The following TMEM14C variants were observed in gnomAD, a reference collection of about 807,000 sequenced individuals.
TMEM14C encodes the protein chromosome 6 open reading frame 53.
A neutral mutation model predicts 14.8 loss-of-function variants in TMEM14C; 13 were observed. That is an observed-to-expected ratio of 0.88 (90% confidence interval 0.57 to 1.40). The LOEUF is 1.40. Among genes scored for constraint, TMEM14C ranks in the 40% most tolerant of loss-of-function variants. The pLI, the probability that TMEM14C is intolerant of heterozygous loss-of-function variation, is 0.00. For missense variants in TMEM14C, 142 were observed against 138.8 expected, an observed-to-expected ratio of 1.02 and a Z score of -0.12; for synonymous variants, 57 against 51.3, an observed-to-expected ratio of 1.11 and a Z score of -0.48.
chr6:10,729,551 C>T (rs1404085927), intron 5 of TMEM14C, among the ~76,000 whole-genome samples: 1 of 152,024 alleles, frequency 6.6e-6, no homozygotes, highest in South Asian at 2.1e-4. Context: ...CAGAGGCAGG[C>T]GGATCACCTG....
intron 4 of TMEM14C, among the ~76,000 whole-genome samples, chr6:10,726,573 C>T (rs1256215305): frequency 3.9e-5 from 6 of 152,066 alleles, no homozygotes; most frequent in Non-Finnish European, 8.8e-5. Flanking sequence ...GCCTGTAGTC[C>T]CAGCTACTTG....
chr6:10,725,959 G>T lies in TMEM14C; in HGVS notation c.150G>T (p.Leu50=). 1 of 1,614,140 alleles carries T rather than the reference G, an allele frequency of 6.2e-7. No individual in the cohort carries two copies. Among genetic ancestry groups the T allele is most frequent in the South Asian group, 1.1e-5 (1 of 91,086 alleles). The part of the protein sequence containing the change: ...AGLLFGSLAG[L]GAYQLSQDPR... ...TGCTCTTTGGCAGTCTAGCCGGCCT[G>T]GGTGCTTACCAGCTGTCTCAGGATC... Residue 50 remains leucine (L), a synonymous_variant, in exon 4 of 6, where the codon CTG becomes CTT. Transcript: ENST00000229563.
rs750952687 is a variant in TMEM14C, at chr6:10,730,628, G to A, written c.301G>A (p.Ala101Thr). ...TCTTTTAAACAGTTTGCTGATGGTCGCCAAAGTTGGAGTTAGTATGTTCAA... is the reference window on the plus strand; with the variant it reads ...TCTTTTAAACAGTTTGCTGATGGTCACCAAAGTTGGAGTTAGTATGTTCAA... ...LIAGASLLMV[A>T]KVGVSMFNRP... The change falls in exon 6 of 6, where the codon GCC becomes ACC. Residue 101 changes from alanine (A) to threonine (T), a missense_variant. Coordinates refer to ENST00000229563, the MANE Select transcript of TMEM14C (RefSeq NM_016462.4). 1.6e-5 allele frequency: 25 copies of A among 1,611,340 alleles called. No individual in the cohort carries two copies. The South Asian group carries it at 2.0e-4, about 13-fold the overall frequency.
chr6:10,728,362 T>C (rs10456318), intron 4 of TMEM14C, among the ~76,000 whole-genome samples: 80,242 of 151,996 alleles, frequency 0.53, 22,317 homozygotes, highest in South Asian at 0.64. Context: ...AAAACTAACA[T>C]ATTGATGGCT....
chr6:10,731,057 C>G lies in TMEM14C; in HGVS notation c.*391C>G. On this transcript the variant is annotated 3_prime_UTR_variant, in exon 6 of 6. Transcript: ENST00000229563. The stretch of plus-strand genomic sequence containing the variant: ...TTACAATATCTGTTCTTTTGCTCAT[C>G]TTAGACCACAGACTGACTTTGAAAT... 1.0e-6 allele frequency: 1 copy of G among 988,662 alleles called. No homozygotes were observed. The highest frequency in any genetic ancestry group is 1.2e-6 in the Non-Finnish European group (1 of 832,090). The allele number at this position is 988,662 out of a possible 1,614,324, so 61.2% of individuals were successfully genotyped here.
At chr6:10,726,870 A>G (rs1046680697) in intron 4 of TMEM14C, among the ~76,000 whole-genome samples, 2 of 152,098 alleles carry the variant, frequency 1.3e-5, no homozygotes, top group African/African-American at 4.8e-5. Context: ...TGCGGTCTCT[A>G]CAAACCCCGT....
chr6:10,725,077 G>A lies in TMEM14C; in HGVS notation c.97+40G>A, dbSNP rs201890523. On this transcript the variant is annotated intron_variant, in intron 3 of 5. Coordinates refer to ENST00000229563, the MANE Select transcript of TMEM14C (RefSeq NM_016462.4). ...TTACTTAGCCTCTTAACATCTTCAC[G>A]TTGTCCCAGTGAAATGTGAATGCCC... The A allele has an allele frequency of 2.4e-3, 3,917 of 1,609,296 alleles. 8 individuals are homozygous for A. Among genetic ancestry groups the A allele is most frequent in the Admixed American group, 3.9e-3 (235 of 60,010 alleles).
rs1004842570 is a variant in TMEM14C at position 10,723,146 on chromosome 6, G to T, written c.-140G>T. 3.9e-5 allele frequency: 6 copies of T among 152,340 alleles called. No homozygotes were observed. 9.4% of individuals were successfully genotyped at this position (152,340 alleles called of 1,614,324 possible). A position where few individuals can be genotyped will look rare whatever the true frequency, so the allele number is the denominator to read the frequency against. ...TCCCCTCTCCTCGCCCCGCCACCGG[G>T]ACGGAGAGCGCCCGCCGCTGCATTT... On this transcript the variant is annotated 5_prime_UTR_variant, in exon 1 of 6. Coordinates refer to ENST00000229563, the MANE Select transcript of TMEM14C (RefSeq NM_016462.4).
rs1212106893 is a variant in TMEM14C at position 10,728,830 on chromosome 6, A to C, written c.287+103A>C. On this transcript the variant is annotated intron_variant, in intron 5 of 5. Transcript: ENST00000229563. ...TACTTGTTTCAGGATATCTGATGCTATGTATCAACTGACATTTGATATATA... is the reference window on the plus strand; with the variant it reads ...TACTTGTTTCAGGATATCTGATGCTCTGTATCAACTGACATTTGATATATA... 4 of 1,575,578 alleles carry C rather than the reference A, an allele frequency of 2.5e-6. No individual in the cohort carries two copies. The African/African-American group carries it at 5.4e-5, about 21-fold the overall frequency.
intron 4 of TMEM14C, among the ~76,000 whole-genome samples, chr6:10,727,693 C>T (rs1490469244): frequency 3.3e-5 from 5 of 151,902 alleles, no homozygotes; most frequent in Non-Finnish European, 5.9e-5. Flanking sequence ...TGGTGGCGGA[C>T]GCCTGTAGTC....
intron 4 of TMEM14C, among the ~76,000 whole-genome samples, chr6:10,726,301 A>G (rs1770857801): frequency 6.6e-6 from 1 of 152,204 alleles, no homozygotes; most frequent in Non-Finnish European, 1.5e-5. Context: ...GAGGTTGCCC[A>G]CTGAAGACCT....
At chr6:10,730,515 C>A in intron 5 of TMEM14C, 100 bp from the exon 6 acceptor site, 1 of 1,165,738 alleles carries the variant, frequency 8.6e-7, no homozygotes, top group East Asian at 2.5e-5. Context: ...GTACCTCCTC[C>A]CCCACGCAGT....
At chr6:10,723,867 G>C (rs1170012614) in intron 1 of TMEM14C, among the ~76,000 whole-genome samples, 2 of 152,200 alleles carry the variant, frequency 1.3e-5, no homozygotes, top group Non-Finnish European at 2.9e-5. Context: ...GCCTCCTAAA[G>C]TACTGGGATG....
chr6:10,728,268 G>T (rs910410806), intron 4 of TMEM14C, among the ~76,000 whole-genome samples: 2 of 152,240 alleles, frequency 1.3e-5, no homozygotes, highest in African/African-American at 4.8e-5. Flanking sequence ...TGTAGTAGGT[G>T]CTTCGACAGA....
In TMEM14C at chr6:10,730,634, G is replaced by A. The variant is rs764806329; in HGVS notation, c.307G>A (p.Val103Ile). Residue 103 changes from valine to isoleucine, a missense_variant, in exon 6 of 6, where the codon GTT becomes ATT. By Grantham distance (29) the Val-to-Ile change is conservative. Coordinates refer to ENST00000229563, the MANE Select transcript of TMEM14C (RefSeq NM_016462.4). ...AGASLLMVAK[V>I]GVSMFNRPH ...AAACAGTTTGCTGATGGTCGCCAAA[G>A]TTGGAGTTAGTATGTTCAACAGACC... The A allele has an allele frequency of 1.1e-4, 181 of 1,612,358 alleles. No homozygotes were observed. The highest frequency in any genetic ancestry group is 3.7e-4 in the Admixed American group (22 of 59,970).
At chr6:10,728,825 A>T (rs1301991353) in intron 5 of TMEM14C, 98 bp downstream of exon 5, 1 of 1,581,040 alleles carries the variant, frequency 6.3e-7, no homozygotes, top group Non-Finnish European at 8.6e-7. Context: ...AGGATATCTG[A>T]TGCTATGTAT....
intron 1 of TMEM14C, among the ~76,000 whole-genome samples, chr6:10,723,851 G>A (rs1219113862): frequency 2.6e-5 from 4 of 152,124 alleles, no homozygotes; most frequent in African/African-American, 7.2e-5. Context: ...TGATCCGCCC[G>A]CCTCGGCCTC....
intron 3 of TMEM14C, 95 bp downstream of exon 3, chr6:10,725,132 C>A: frequency 1.3e-6 from 2 of 1,510,162 alleles, no homozygotes; most frequent in South Asian, 2.3e-5. Flanking sequence ...TCATTTGAGT[C>A]AGGTTTGCTG....
At chr6:10,725,135 G>T in intron 3 of TMEM14C, 98 bp downstream of exon 3, 1 of 1,466,606 alleles carries the variant, frequency 6.8e-7, no homozygotes, top group Non-Finnish European at 9.5e-7. Flanking sequence ...TTTGAGTCAG[G>T]TTTGCTGTGG....
Sources: gnomAD v4.1 joint callset for allele counts (sites outside exome capture counted in the v4.1 genomes callset) on GRCh38, gnomAD v4.1.1 for gene constraint, MANE v1.5 for transcripts, NCBI Gene and HGNC (gene_info 2026-07-23, HGNC 2026-07-21) for gene names.